ANK3: variants seen among roughly 807,000 people sequenced by gnomAD.
ANK3 encodes the protein ankyrin-3.
ANK3 carries 57 observed loss-of-function variants against 370.9 expected under a neutral mutation model. The ratio of observed to expected loss-of-function variants is 0.15; its 90% confidence interval spans 0.12 to 0.19. The LOEUF (loss-of-function observed/expected upper bound fraction) is 0.19. Among genes scored for constraint, ANK3 ranks in the 10% least tolerant of loss-of-function variants. The pLI, the probability that ANK3 is intolerant of heterozygous loss-of-function variation, is 1.00. For missense variants in ANK3, 4,439 were observed against 5,302.1 expected, an observed-to-expected ratio of 0.84 and a Z score of 5.06; for synonymous variants, 1,929 against 1,946.3, an observed-to-expected ratio of 0.99 and a Z score of 0.23.
At chr10:60,439,657 C>T (rs778064539) in intron 2 of ANK3, among the ~76,000 whole-genome samples, 9 of 152,152 alleles carry the variant, frequency 5.9e-5, no homozygotes, top group South Asian at 2.1e-4. Flanking sequence ...TGAGGATACA[C>T]GCAAACACTA....
At chr10:60,698,992 A>T (rs551292702) in intron 1 of ANK3, among the ~76,000 whole-genome samples, 6 of 151,866 alleles carry the variant, frequency 4.0e-5, no homozygotes, top group Non-Finnish European at 8.8e-5. Flanking sequence ...CCTGGATGAG[A>T]TTGGAGACTA....
At chr10:60,148,325 T>C (rs1255112569) in intron 23 of ANK3, among the ~76,000 whole-genome samples, 1 of 152,184 alleles carries the variant, frequency 6.6e-6, no homozygotes, top group Non-Finnish European at 1.5e-5. Context: ...GTTTGTTTAT[T>C]AACCCAAACA....
At chr10:60,065,850 A>T (rs1226266779) in intron 38 of ANK3, among the ~76,000 whole-genome samples, 1 of 152,244 alleles carries the variant, frequency 6.6e-6, no homozygotes, top group East Asian at 1.9e-4. Context: ...TGTGAACCAC[A>T]GTTAGAAAAC....
intron 1 of ANK3, among the ~76,000 whole-genome samples, chr10:60,650,938 CAACA>C (rs2078780612): frequency 6.6e-6 from 1 of 151,888 alleles, no homozygotes; most frequent in Non-Finnish European, 1.5e-5. Flanking sequence ...TTAACAACAA[CAACA>C]AAAAATAGCC....
At chr10:60,727,711 C>T (rs2079961320) in intron 1 of ANK3, among the ~76,000 whole-genome samples, 1 of 151,924 alleles carries the variant, frequency 6.6e-6, no homozygotes, top group South Asian at 2.1e-4. Context: ...CAGTTACAGA[C>T]CTCAGTTCTC....
chr10:60,197,905 C>CA (rs2096612499), intron 14 of ANK3, among the ~76,000 whole-genome samples: 1 of 152,074 alleles, frequency 6.6e-6, no homozygotes, highest in Non-Finnish European at 1.5e-5. Context: ...AATAATGACA[C>CA]AAAAAAGAAC....
At chr10:60,633,021 T>C (rs943322942) in intron 1 of ANK3, among the ~76,000 whole-genome samples, 1 of 152,220 alleles carries the variant, frequency 6.6e-6, no homozygotes, top group Non-Finnish European at 1.5e-5. Flanking sequence ...TATTTCCAGA[T>C]AGACTAGTGT....
At chr10:60,417,619 G>T (rs1014362616) in intron 2 of ANK3, among the ~76,000 whole-genome samples, 3 of 152,208 alleles carry the variant, frequency 2.0e-5, no homozygotes, top group Non-Finnish European at 4.4e-5. Context: ...GCAACCTGCA[G>T]AAAGAATGGA....
chr10:60,164,422 G>A lies in ANK3; in HGVS notation c.2614+2169C>T, dbSNP rs10994230. 4.3e-3 allele frequency among the ~76,000 whole-genome samples: 642 copies of A among 150,688 alleles called. 6 individuals carry two copies. The highest frequency in any genetic ancestry group is 0.015 in the African/African-American group (614 of 41,014). ...CAACTTGAGATGGCACAGACATATT[G>A]AAACATGCACAGGAGAGGGCGACCA... is the stretch of plus-strand genomic sequence containing the variant. On this transcript the variant is annotated intron_variant, in intron 23 of 43. Transcript: ENST00000280772.
intron 28 of ANK3, 88 bp from the exon 29 acceptor site, chr10:60,088,446 A>G (rs2087265752): frequency 1.7e-6 from 2 of 1,195,508 alleles, no homozygotes; most frequent in African/African-American, 1.5e-5. Context: ...TTTTTTTGAG[A>G]TGGAGTTTCA....
At chr10:60,266,230 T>C (rs1470182795) in intron 5 of ANK3, among the ~76,000 whole-genome samples, 1 of 152,170 alleles carries the variant, frequency 6.6e-6, no homozygotes, top group Non-Finnish European at 1.5e-5. Flanking sequence ...ACAAGAAAAG[T>C]AGTCTACATG....
intron 1 of ANK3, among the ~76,000 whole-genome samples, chr10:60,299,443 G>A (rs1034401913): frequency 3.9e-5 from 6 of 152,052 alleles, no homozygotes; most frequent in South Asian, 4.1e-4. Context: ...ATGATGTCTC[G>A]TTCTAGTCAT....
chr10:60,367,302 T>C (rs1232804636), intron 1 of ANK3, among the ~76,000 whole-genome samples: 1 of 152,196 alleles, frequency 6.6e-6, no homozygotes, highest in Non-Finnish European at 1.5e-5. Context: ...ACTGCCTTTA[T>C]GAAAAATTGA....
At chr10:60,636,644 C>CT (rs1644597200) in intron 1 of ANK3, among the ~76,000 whole-genome samples, 1 of 152,164 alleles carries the variant, frequency 6.6e-6, no homozygotes, top group Admixed American at 6.5e-5. Context: ...TCAGGCAGGG[C>CT]TATGCCTGCA....
At position 60,373,754 on chromosome 10, in the gene ANK3, A is replaced by G. The variant is rs190021871; in HGVS notation, c.114+15671T>C. ...TTTACAATTTGCCCCACCACACTCCATGAATTCTAATATGCTCTTGGAGTG... is the reference window on the plus strand; with the variant it reads ...TTTACAATTTGCCCCACCACACTCCGTGAATTCTAATATGCTCTTGGAGTG... On this transcript the variant is annotated intron_variant, in intron 1 of 43. Transcript: ENST00000280772. Among the ~76,000 whole-genome samples the G allele has an allele frequency of 3.2e-3, 493 of 152,224 alleles. 3 individuals are homozygous for G. Among genetic ancestry groups the G allele is most frequent in the Non-Finnish European group, 5.4e-3 (368 of 67,990 alleles).
chr10:60,578,020 T>A (rs1446879213), intron 2 of ANK3, among the ~76,000 whole-genome samples: 2 of 152,190 alleles, frequency 1.3e-5, no homozygotes, highest in Non-Finnish European at 2.9e-5. Flanking sequence ...AGATAGAAAT[T>A]TTTAAACCTA....
chr10:60,681,851 C>A (rs1308299868), intron 1 of ANK3, among the ~76,000 whole-genome samples: 1 of 152,098 alleles, frequency 6.6e-6, no homozygotes, highest in Non-Finnish European at 1.5e-5. Flanking sequence ...CTAGAAAATG[C>A]CCCTAAAAGA....
chr10:60,563,288 T>A (rs370942235), intron 2 of ANK3, among the ~76,000 whole-genome samples: 61 of 152,294 alleles, frequency 4.0e-4, no homozygotes, highest in African/African-American at 1.5e-3. Flanking sequence ...GTGCTTGGCA[T>A]TACAGAGCAC....
intron 23 of ANK3, among the ~76,000 whole-genome samples, chr10:60,141,570 T>TTG (rs1554993390): frequency 9.9e-5 from 6 of 60,384 alleles, no homozygotes; most frequent in South Asian, 5.9e-4. Context: ...TGTTTTTTTT[T>TTG]TTTTTTTTTT....
Sources: gnomAD v4.1 joint callset for allele counts (sites outside exome capture counted in the v4.1 genomes callset) on GRCh38, gnomAD v4.1.1 for gene constraint, MANE v1.5 for transcripts, NCBI Gene and HGNC (gene_info 2026-07-23, HGNC 2026-07-21) for gene names.